ZC3H7B: variants seen among roughly 807,000 people sequenced by gnomAD.
ZC3H7B encodes zinc finger CCCH domain-containing protein 7B.
Under a neutral mutation model 116.0 loss-of-function variants are expected in ZC3H7B, and 35 were observed. The ratio of observed to expected loss-of-function variants is 0.30; its 90% CI spans 0.23 to 0.40. The LOEUF (loss-of-function observed/expected upper bound fraction) is 0.40, where lower values mean the gene tolerates loss of function less well. ZC3H7B is among the 10% of genes least tolerant of loss of function. The probability of loss-of-function intolerance (pLI) is 1.00; values close to 1 mark genes in which losing one functional copy is unlikely to be tolerated. For synonymous variants in ZC3H7B, 502 were observed against 545.6 expected, an observed-to-expected ratio of 0.92 and a Z score of 1.11; for missense variants, 1,011 against 1,321.5, an observed-to-expected ratio of 0.77 and a Z score of 3.64.
At chr22:41,347,925 G>A in intron 14 of ZC3H7B, 142 bp from the exon 15 acceptor site, 1 of 687,680 alleles carries the variant, frequency 1.5e-6, no homozygotes, top group South Asian at 1.7e-5. Context: ...CACAGACCCT[G>A]GGATTCCCTT....
chr22:41,356,500 C>T (rs561464382), intron 21 of ZC3H7B, 24 bp downstream of exon 21: 125 of 1,613,344 alleles, frequency 7.7e-5, no homozygotes, highest in Non-Finnish European at 9.7e-5. Flanking sequence ...CCTGCATGCT[C>T]GGGGCTGCGG....
At chr22:41,321,780 T>C (rs1415066114) in intron 2 of ZC3H7B, among the ~76,000 whole-genome samples, 1 of 150,124 alleles carries the variant, frequency 6.7e-6, no homozygotes, top group African/African-American at 2.5e-5. Flanking sequence ...TATTGAGGAA[T>C]AGCATTCTAG....
Position 41,327,681 on chromosome 22 carries a change from C to T in ZC3H7B, c.444+317C>T, listed in dbSNP as rs923602687. Among the ~76,000 whole-genome samples, 1 of 151,826 alleles carries T rather than the reference C, an allele frequency of 6.6e-6. No individual in the cohort carries two copies. Among genetic ancestry groups the T allele is most frequent in the Non-Finnish European group, 1.5e-5 (1 of 67,942 alleles). On this transcript the variant is annotated intron_variant, in intron 5 of 22. Transcript: ENST00000352645. The surrounding 1 kb of genome is among the most constrained non-coding windows in gnomAD (Gnocchi z 4.5). The stretch of plus-strand genomic sequence containing the variant: ...CTCACGCCTGTAATCTCAGCACTTT[C>T]GGAGGCTGAGGCAGGCGGATCACCT...
At position 41,320,726 on chromosome 22, in the gene ZC3H7B, G is replaced by T; in HGVS notation, c.53+13G>T. On this transcript the variant is annotated intron_variant, in intron 2 of 22. Transcript: ENST00000352645. ...TGCAGTTCATTCAGTAAGCCTGCAT[G>T]CGGCAGGGGCTGGACGGCTGGGTGG... 2 of 1,613,870 alleles carry T rather than the reference G, an allele frequency of 1.2e-6. No homozygotes were observed. The highest frequency in any genetic ancestry group is 1.7e-6 in the Non-Finnish European group (2 of 1,179,862).
chr22:41,314,144 T>C (rs1322042541), intron 1 of ZC3H7B, among the ~76,000 whole-genome samples: 1 of 151,630 alleles, frequency 6.6e-6, no homozygotes, highest in Non-Finnish European at 1.5e-5. Flanking sequence ...TTTTTAATTT[T>C]TATTTTATTT....
rs751702722 is a variant in ZC3H7B, at chr22:41,346,032, G to A, written c.1489G>A (p.Gly497Arg). The A allele has an allele frequency of 8.7e-6, 14 of 1,613,990 alleles. No individual in the cohort carries two copies. The highest frequency in any genetic ancestry group is 1.1e-5 in the South Asian group (1 of 91,088). ...DMINKQDCKY[G>R]DNCTFAYHQE... ...GATTAACAAGCAGGACTGTAAGTAC[G>A]GGGATAACTGCACCTTCGCCTACCA... is the stretch of plus-strand genomic sequence containing the variant. Residue 497 changes from glycine to arginine, a missense_variant, in exon 14 of 23, where the codon GGG becomes AGG. Coordinates refer to ENST00000352645, the MANE Select transcript of ZC3H7B (RefSeq NM_017590.6). This position sits in a 1 kb window ranked among gnomAD's most constrained non-coding sequence, Gnocchi z 5.3.
Position 41,349,648 on chromosome 22 carries a change from T to C in ZC3H7B, c.1948+347T>C, listed in dbSNP as rs1404525509. Reference sequence around the variant, plus strand: ...GTGGTCGGCAGCAAGTCCCCGCTCCTCACTGAGCCTCCAGTGCTCATCTGG... The same window carrying C: ...GTGGTCGGCAGCAAGTCCCCGCTCCCCACTGAGCCTCCAGTGCTCATCTGG... On this transcript the variant is annotated intron_variant, in intron 16 of 22. Coordinates refer to ENST00000352645, the MANE Select transcript of ZC3H7B (RefSeq NM_017590.6). This position sits in a 1 kb window ranked among gnomAD's most constrained non-coding sequence, Gnocchi z 4.9. 6.6e-6 allele frequency among the ~76,000 whole-genome samples: 1 copy of C among 152,164 alleles called. No individual in the cohort carries two copies. The highest frequency in any genetic ancestry group is 1.5e-5 in the Non-Finnish European group (1 of 68,022).
rs1457474931 is a variant in ZC3H7B at position 41,341,255 on chromosome 22, G to A, written c.1197+109G>A. Reference sequence around the variant, plus strand: ...TGGGGTAAGGCACTGCATTCCCCACGGCGGGGCACTCCCAGAGTGGATGGA... The same window carrying A: ...TGGGGTAAGGCACTGCATTCCCCACAGCGGGGCACTCCCAGAGTGGATGGA... On this transcript the variant is annotated intron_variant, in intron 11 of 22. Coordinates refer to ENST00000352645, the MANE Select transcript of ZC3H7B (RefSeq NM_017590.6). The A allele has an allele frequency of 9.9e-6, 13 of 1,312,648 alleles. No individual in the cohort carries two copies. The African/African-American group carries it at 1.0e-4, about 10-fold the overall frequency. The allele number at this position is 1,312,648 out of a possible 1,614,324, so 81.3% of individuals were successfully genotyped here. A position where few individuals can be genotyped will look rare whatever the true frequency, so the allele number is the denominator to read the frequency against.
Position 41,338,422 on chromosome 22 carries a change from C to T in ZC3H7B, c.625+67C>T, listed in dbSNP as rs1264670319. 5.2e-6 allele frequency: 8 copies of T among 1,544,704 alleles called. No homozygotes were observed. Among genetic ancestry groups the T allele is most frequent in the Non-Finnish European group, 6.2e-6 (7 of 1,129,538 alleles). ...CCGAGAGGTCAGGGGAGTCGAGCCCCCTCCCCATCCCAGCCCTGTAGATGG... is the reference window on the plus strand; with the variant it reads ...CCGAGAGGTCAGGGGAGTCGAGCCCTCTCCCCATCCCAGCCCTGTAGATGG... On this transcript the variant is annotated intron_variant, in intron 8 of 22. Coordinates refer to ENST00000352645, the MANE Select transcript of ZC3H7B (RefSeq NM_017590.6). The surrounding 1 kb of genome is among the most constrained non-coding windows in gnomAD (Gnocchi z 4.5).
At chr22:41,323,017 G>C (rs112328222) in intron 2 of ZC3H7B, among the ~76,000 whole-genome samples, 1 of 152,190 alleles carries the variant, frequency 6.6e-6, no homozygotes, top group African/African-American at 2.4e-5. Flanking sequence ...CTCACAGAGC[G>C]AGTGTTCATA....
chr22:41,355,136 G>A (rs2036697349), intron 17 of ZC3H7B, among the ~76,000 whole-genome samples: 1 of 152,236 alleles, frequency 6.6e-6, no homozygotes, highest in South Asian at 2.1e-4. Flanking sequence ...ATGAAGAGTG[G>A]AGGAAGGGCA....
rs368270993 is a variant in ZC3H7B at position 41,360,100 on chromosome 22, C to T, written c.*2671C>T. On this transcript the variant is annotated 3_prime_UTR_variant, in exon 23 of 23. Coordinates refer to ENST00000352645, the MANE Select transcript of ZC3H7B (RefSeq NM_017590.6). ...CCTTCTTAAAATAAAATGAAAGAAA[C>T]TTGCTTCCCTTAGCCTTTGTTCTAG... 2 of 152,270 alleles carry T rather than the reference C, an allele frequency of 1.3e-5. No homozygotes were observed. Among genetic ancestry groups the T allele is most frequent in the Non-Finnish European group, 2.9e-5 (2 of 68,022 alleles). 9.4% of individuals were successfully genotyped at this position (152,270 alleles called of 1,614,324 possible).
intron 13 of ZC3H7B, among the ~76,000 whole-genome samples, chr22:41,344,134 T>C (rs972021927): frequency 2.0e-5 from 3 of 152,232 alleles, no homozygotes; most frequent in Admixed American, 6.5e-5. Flanking sequence ...GATATGTGAA[T>C]AGTCACGAAT....
chr22:41,321,248 C>T (rs933350012), intron 2 of ZC3H7B, among the ~76,000 whole-genome samples: 1 of 147,394 alleles, frequency 6.8e-6, no homozygotes, highest in African/African-American at 2.6e-5. Flanking sequence ...CAGAGTCTTG[C>T]CCTGTTGCCC....
chr22:41,345,550 A>T (rs546728888), intron 13 of ZC3H7B, among the ~76,000 whole-genome samples: 1 of 152,112 alleles, frequency 6.6e-6, no homozygotes, highest in Non-Finnish European at 1.5e-5. Context: ...GTGCCATTGC[A>T]CTCCAGCATG....
chr22:41,339,247 CATTGT>C, intron 9 of ZC3H7B, 56 bp downstream of exon 9: 1 of 1,539,472 alleles, frequency 6.5e-7, no homozygotes, highest in Admixed American at 1.8e-5. Flanking sequence ...GCTGTGTCCC[CATTGT>C]CCCAGGGGTG....
At chr22:41,307,900 TC>T (rs1015886372) in intron 1 of ZC3H7B, among the ~76,000 whole-genome samples, 13 of 152,210 alleles carry the variant, frequency 8.5e-5, no homozygotes, top group Admixed American at 7.9e-4. Context: ...TCAGGTTACT[TC>T]CAGTTTCCTC....
chr22:41,348,225 G>C, intron 15 of ZC3H7B, 58 bp downstream of exon 15: 2 of 1,481,400 alleles, frequency 1.4e-6, no homozygotes, highest in Non-Finnish European at 1.9e-6. Context: ...GTCCCCTCAG[G>C]CAGCTCAGAT....
intron 1 of ZC3H7B, among the ~76,000 whole-genome samples, chr22:41,313,404 AC>A (rs1301977587): frequency 6.6e-6 from 1 of 151,992 alleles, no homozygotes; most frequent in Non-Finnish European, 1.5e-5. Context: ...GAGCCACCGT[AC>A]CCGGCCAGAT....
Sources: gnomAD v4.1 joint callset for allele counts (sites outside exome capture counted in the v4.1 genomes callset) on GRCh38, gnomAD v4.1.1 for gene constraint, Gnocchi (gnomAD v3.1) non-coding constraint, MANE v1.5 for transcripts, NCBI Gene and HGNC (gene_info 2026-07-23, HGNC 2026-07-21) for gene names.